The following TBC1D9 variants were observed in gnomAD, a reference collection of about 807,000 sequenced individuals.
TBC1D9 encodes the protein TBC1 domain family member 9.
TBC1D9 carries 63 observed loss-of-function variants against 132.0 expected under a neutral mutation model. The observed-to-expected ratio is 0.48, with a 90% CI of 0.39 to 0.59. The LOEUF (loss-of-function observed/expected upper bound fraction) is 0.59. Among genes scored for constraint, TBC1D9 ranks in the 20% least tolerant of loss-of-function variants. The probability of loss-of-function intolerance (pLI) is 0.00; values close to 1 mark genes in which losing one functional copy is unlikely to be tolerated. For synonymous variants in TBC1D9, 610 were observed against 609.9 expected (o/e 1.00, Z 0.00); for missense variants, 1,261 against 1,592.7 (o/e 0.79, Z 3.54).
intron 2 of TBC1D9, among the ~76,000 whole-genome samples, chr4:140,699,441 C>T (rs187751731): frequency 2.0e-5 from 3 of 152,320 alleles, no homozygotes; most frequent in South Asian, 2.1e-4. Context: ...AGGAGGCCCG[C>T]AGTCATAAAT....
At chr4:140,754,614 CAAAAAAAAAAAA>C (rs34471976) in intron 1 of TBC1D9, among the ~76,000 whole-genome samples, 9 of 23,262 alleles carry the variant, frequency 3.9e-4, no homozygotes, top group African/African-American at 5.8e-4. Context: ...GACTCTGTCT[CAAAAAAAAAAAA>C]AAAAAAAAAA....
At chr4:140,664,804 C>G (rs988632018) in intron 9 of TBC1D9, among the ~76,000 whole-genome samples, 3 of 152,078 alleles carry the variant, frequency 2.0e-5, no homozygotes, top group African/African-American at 7.2e-5. Context: ...CTGCATCTCA[C>G]ACCACATAAA....
chr4:140,720,492 A>C (rs775164818), intron 1 of TBC1D9, among the ~76,000 whole-genome samples: 3 of 152,144 alleles, frequency 2.0e-5, no homozygotes, highest in Non-Finnish European at 4.4e-5. Context: ...ACCCCAGCTA[A>C]TTATTATCTC....
In TBC1D9 at chr4:140,692,686, AT is replaced by A. The variant is rs555078478; in HGVS notation, c.242-6225del. Among the ~76,000 whole-genome samples the A allele has an allele frequency of 9.8e-5, 15 of 152,328 alleles. No homozygotes were observed. The South Asian group carries it at 3.1e-3, about 32-fold the overall frequency. ...GATGATAATGATAATGCCTTCTATTATTTGTGCTTACCAAGAATAGGCATCA... is the reference window on the plus strand; with the variant it reads ...GATGATAATGATAATGCCTTCTATTATTGTGCTTACCAAGAATAGGCATCA... On this transcript the variant is annotated intron_variant, in intron 2 of 20. Coordinates refer to ENST00000442267, the MANE Select transcript of TBC1D9 (RefSeq NM_015130.3).
chr4:140,621,591 A>T lies in TBC1D9; in HGVS notation c.*604T>A, dbSNP rs939981230. The T allele has an allele frequency of 6.6e-6, 1 of 152,204 alleles. No individual in the cohort carries two copies. Among genetic ancestry groups the T allele is most frequent in the African/African-American group, 2.4e-5 (1 of 41,462 alleles). The allele number at this position is 152,204 out of a possible 1,614,324, so 9.4% of individuals were successfully genotyped here. On this transcript the variant is annotated 3_prime_UTR_variant, in exon 21 of 21. Transcript: ENST00000442267. The stretch of plus-strand genomic sequence containing the variant: ...TCATGTAAAAATCACTTACTTTCAT[A>T]ACTGTTTAGAACCCCAAATGTTTTC...
chr4:140,722,062 G>A (rs1014612776), intron 1 of TBC1D9, among the ~76,000 whole-genome samples: 5 of 152,074 alleles, frequency 3.3e-5, no homozygotes, highest in Admixed American at 6.6e-5. Context: ...GACTCCTATA[G>A]GAGTCTGTTT....
rs771236459 is a variant in TBC1D9 at position 140,657,661 on chromosome 4, T to C, written c.2073A>G (p.Ala691=). 1.2e-6 allele frequency: 2 copies of C among 1,613,850 alleles called. No individual in the cohort carries two copies. The highest frequency in any genetic ancestry group is 2.7e-5 in the African/African-American group (2 of 74,892). The change falls in exon 12 of 21, where the codon GCA becomes GCG. Residue 691 remains alanine, a synonymous_variant. Coordinates refer to ENST00000442267, the MANE Select transcript of TBC1D9 (RefSeq NM_015130.3). The part of the protein sequence containing the change: ...LFLSVMPFES[A]VVVVDCFFYE... ...AGAAGAAACAGTCAACAACCACAAC[T>C]GCACTCTCAAAAGGCATCACACTGA...
intron 13 of TBC1D9, among the ~76,000 whole-genome samples, chr4:140,652,277 T>C (rs1578825493): frequency 6.6e-6 from 1 of 151,990 alleles, no homozygotes; most frequent in Admixed American, 6.6e-5. Flanking sequence ...TGTTAATACA[T>C]GAATAGACAA....
At chr4:140,747,811 G>A (rs975681453) in intron 1 of TBC1D9, among the ~76,000 whole-genome samples, 5 of 152,192 alleles carry the variant, frequency 3.3e-5, no homozygotes, top group African/African-American at 1.2e-4. Context: ...TCTTTGGGTT[G>A]GGACGATGGA....
chr4:140,710,739 G>C (rs1458927832), intron 1 of TBC1D9, among the ~76,000 whole-genome samples: 1 of 152,070 alleles, frequency 6.6e-6, no homozygotes, highest in Non-Finnish European at 1.5e-5. Context: ...CTGGGTGGGG[G>C]GGTGGTCTGA....
At chr4:140,730,875 C>T (rs1423984561) in intron 1 of TBC1D9, among the ~76,000 whole-genome samples, 1 of 152,182 alleles carries the variant, frequency 6.6e-6, no homozygotes, top group African/African-American at 2.4e-5. Context: ...ATGGAGAATC[C>T]TGCAGATATA....
In TBC1D9 at chr4:140,670,689, C is replaced by T. The variant is rs780125770; in HGVS notation, c.1266+31G>A. The T allele has an allele frequency of 6.9e-6, 11 of 1,602,534 alleles. No individual in the cohort carries two copies. In the Admixed American group the frequency reaches 1.7e-4, roughly 24 times the overall value. Reference sequence around the variant, plus strand: ...CACTTGGGCACAGGAACAGGATAAACCAAAAATACTTTCAGGTGTCTCCCA... The same window carrying T: ...CACTTGGGCACAGGAACAGGATAAATCAAAAATACTTTCAGGTGTCTCCCA... On this transcript the variant is annotated intron_variant, in intron 7 of 20. Transcript: ENST00000442267.
At chr4:140,687,084 A>G (rs967298472) in intron 2 of TBC1D9, among the ~76,000 whole-genome samples, 3 of 151,944 alleles carry the variant, frequency 2.0e-5, no homozygotes, top group Admixed American at 6.6e-5. Context: ...TTGGTCAATA[A>G]TAAGAAGCAT....
intron 1 of TBC1D9, among the ~76,000 whole-genome samples, chr4:140,711,794 A>G (rs1189689990): frequency 6.6e-6 from 1 of 152,166 alleles, no homozygotes; most frequent in African/African-American, 2.4e-5. Flanking sequence ...TATGATCCCA[A>G]TTTGTCTAAA....
intron 6 of TBC1D9, 57 bp downstream of exon 6, chr4:140,676,837 C>T: frequency 1.9e-6 from 3 of 1,585,312 alleles, no homozygotes; most frequent in South Asian, 2.3e-5. Context: ...ATTCCTGGTT[C>T]ACCCAGAAAA....
intron 9 of TBC1D9, among the ~76,000 whole-genome samples, chr4:140,666,484 C>T (rs1324626814): frequency 1.3e-5 from 2 of 152,056 alleles, no homozygotes; most frequent in South Asian, 4.2e-4. Flanking sequence ...TACAGGCGCC[C>T]GCCACCGCGC....
At chr4:140,738,130 A>G (rs956189740) in intron 1 of TBC1D9, among the ~76,000 whole-genome samples, 1 of 152,222 alleles carries the variant, frequency 6.6e-6, no homozygotes, top group African/African-American at 2.4e-5. Context: ...GAAAATCAAC[A>G]TGGTATGTCA....
At chr4:140,643,030 T>C in intron 13 of TBC1D9, 1 of 999,998 alleles carries the variant, frequency 1.0e-6, no homozygotes, top group Non-Finnish European at 1.5e-6. Context: ...ACGGAGGACT[T>C]CATGGGGTAC....
intron 18 of TBC1D9, among the ~76,000 whole-genome samples, chr4:140,627,182 G>C (rs1443581278): frequency 6.6e-6 from 1 of 152,178 alleles, no homozygotes; most frequent in Non-Finnish European, 1.5e-5. Context: ...GGCAGAAAGA[G>C]GGCAGCAAAG....
Sources: gnomAD v4.1 joint callset for allele counts (sites outside exome capture counted in the v4.1 genomes callset) on GRCh38, gnomAD v4.1.1 for gene constraint, MANE v1.5 for transcripts, NCBI Gene and HGNC (gene_info 2026-07-23, HGNC 2026-07-21) for gene names.